Variants in PCDH7 observed in about 807,000 individuals in gnomAD.
PCDH7 encodes protocadherin-7.
PCDH7 carries 17 observed loss-of-function variants against 58.9 expected under a neutral mutation model. The observed-to-expected ratio is 0.29, with a 90% CI of 0.20 to 0.43. The LOEUF is 0.43. Ranked by LOEUF, PCDH7 falls within the 20% of genes least tolerant of loss-of-function variation. PCDH7 has a pLI of 1.00. For missense variants in PCDH7, 1,274 were observed against 1,441.0 expected (o/e 0.88, Z 1.88); for synonymous variants, 664 against 616.4 (o/e 1.08, Z -1.14).
intron 1 of PCDH7, among the ~76,000 whole-genome samples, chr4:30,871,412 G>A (rs1248247164): frequency 1.3e-5 from 2 of 151,964 alleles, no homozygotes; most frequent in Admixed American, 6.6e-5. Flanking sequence ...CCTGAAGAAG[G>A]CACACTGCTT....
intron 1 of PCDH7, among the ~76,000 whole-genome samples, chr4:30,771,819 C>T (rs151238140): frequency 7.2e-5 from 11 of 151,940 alleles, no homozygotes; most frequent in East Asian, 3.9e-4. Flanking sequence ...ATAAAGGTAA[C>T]GTAAAGTGAT....
chr4:30,906,885 T>G (rs1414593700), intron 1 of PCDH7, among the ~76,000 whole-genome samples: 1 of 151,794 alleles, frequency 6.6e-6, no homozygotes, highest in South Asian at 2.1e-4. Flanking sequence ...TAGCTGGGCG[T>G]GGTGGCGGGT....
At chr4:31,043,549 T>A (rs538230796) in intron 3 of PCDH7, among the ~76,000 whole-genome samples, 1 of 152,302 alleles carries the variant, frequency 6.6e-6, no homozygotes, top group East Asian at 1.9e-4. Flanking sequence ...TTGAGCTTTT[T>A]AAGATATGTT....
intron 1 of PCDH7, among the ~76,000 whole-genome samples, chr4:30,879,422 ATCACACAAG>A (rs1218330194): frequency 2.6e-5 from 4 of 152,098 alleles, no homozygotes; most frequent in African/African-American, 9.7e-5. Flanking sequence ...TAGAACCGTG[ATCACACAAG>A]TCATATTAGA....
chr4:30,806,658 G>T (rs4611883), intron 1 of PCDH7, among the ~76,000 whole-genome samples: 95,515 of 150,118 alleles, frequency 0.64, 32,560 homozygotes, highest in African/African-American at 0.9. Context: ...TTGGAACATT[G>T]TTTTTGCCCT....
At chr4:31,056,506 AAAGAAAGAAAGGGGAAG>A (rs1560608845) in intron 3 of PCDH7, among the ~76,000 whole-genome samples, 21 of 122,174 alleles carry the variant, frequency 1.7e-4, no homozygotes, top group African/African-American at 5.7e-4. Context: ...AGAAAGAAAG[AAAGAAAGAAAGGGGAAG>A]GGAAGGGAAG....
intron 1 of PCDH7, among the ~76,000 whole-genome samples, chr4:30,822,388 CATT>C (rs1229797609): frequency 3.3e-5 from 5 of 152,150 alleles, no homozygotes; most frequent in Non-Finnish European, 5.9e-5. Context: ...GACCTTTTCT[CATT>C]GTTGTGTTGC....
intron 1 of PCDH7, among the ~76,000 whole-genome samples, chr4:30,853,564 A>G (rs148956420): frequency 3.9e-5 from 6 of 152,136 alleles, no homozygotes; most frequent in Non-Finnish European, 8.8e-5. Context: ...CAAGTTTTAT[A>G]TATTTATTTT....
At chr4:30,991,813 A>G (rs1751486437) in intron 3 of PCDH7, among the ~76,000 whole-genome samples, 1 of 152,194 alleles carries the variant, frequency 6.6e-6, no homozygotes, top group Non-Finnish European at 1.5e-5. Context: ...CATAAAATGT[A>G]TATATTTATG....
chr4:31,106,746 T>C (rs1715629887), intron 3 of PCDH7, among the ~76,000 whole-genome samples: 1 of 152,232 alleles, frequency 6.6e-6, no homozygotes, highest in African/African-American at 2.4e-5. Context: ...CACACTCATG[T>C]TGAAGGAATC....
At chr4:30,790,337 C>T (rs952036098) in intron 1 of PCDH7, among the ~76,000 whole-genome samples, 2 of 152,176 alleles carry the variant, frequency 1.3e-5, no homozygotes, top group African/African-American at 4.8e-5. Flanking sequence ...ATGAGATACA[C>T]AGAGTTTCAG....
chr4:30,773,541 G>C (rs888645921), intron 1 of PCDH7, among the ~76,000 whole-genome samples: 2 of 151,406 alleles, frequency 1.3e-5, no homozygotes, highest in African/African-American at 4.9e-5. Context: ...GCACTCAGCT[G>C]CAAGAAATAG....
chr4:31,054,561 C>A (rs2109226139), intron 3 of PCDH7, among the ~76,000 whole-genome samples: 1 of 152,288 alleles, frequency 6.6e-6, no homozygotes, highest in Non-Finnish European at 1.5e-5. Context: ...ACATCTAGAT[C>A]TGGTGCTTCT....
intron 1 of PCDH7, among the ~76,000 whole-genome samples, chr4:30,888,519 TACA>T: frequency 6.6e-6 from 1 of 152,330 alleles, no homozygotes; most frequent in Non-Finnish European, 1.5e-5. Context: ...ATGGAACTTA[TACA>T]GACTCTAAAA....
intron 1 of PCDH7, among the ~76,000 whole-genome samples, chr4:30,840,641 A>G (rs1312388344): frequency 1.3e-5 from 2 of 152,152 alleles, no homozygotes; most frequent in African/African-American, 4.8e-5. Context: ...CGCAGAGGGC[A>G]AATTCTCAAG....
At chr4:30,829,925 T>G (rs1729567515) in intron 1 of PCDH7, among the ~76,000 whole-genome samples, 1 of 152,110 alleles carries the variant, frequency 6.6e-6, no homozygotes, top group Admixed American at 6.6e-5. Context: ...ACCATGTTAT[T>G]TATTGAAAAG....
chr4:31,010,882 A>G (rs368194962), intron 3 of PCDH7, among the ~76,000 whole-genome samples: 1 of 152,032 alleles, frequency 6.6e-6, no homozygotes, highest in Non-Finnish European at 1.5e-5. Context: ...AAAGATGAGC[A>G]TGATAATTGC....
At chr4:30,737,343 GT>G (rs1716444179), downstream of PCDH7, among the ~76,000 whole-genome samples, 1 of 152,020 alleles carries the variant, frequency 6.6e-6, no homozygotes, top group Admixed American at 6.6e-5. Flanking sequence ...TTTTGGGGGC[GT>G]TTTCAATATA....
chr4:30,846,866 A>G (rs1732033936), intron 1 of PCDH7, among the ~76,000 whole-genome samples: 1 of 152,130 alleles, frequency 6.6e-6, no homozygotes, highest in Non-Finnish European at 1.5e-5. Flanking sequence ...GCTCATGACT[A>G]TAATCTCAGC....
Sources: gnomAD v4.1 joint callset for allele counts (sites outside exome capture counted in the v4.1 genomes callset) on GRCh38, gnomAD v4.1.1 for gene constraint, MANE v1.5 for transcripts, NCBI Gene and HGNC (gene_info 2026-07-23, HGNC 2026-07-21) for gene names.